Variants in GRM1 observed in about 807,000 individuals in gnomAD.
The protein encoded by GRM1 is metabotropic glutamate receptor 1.
Under a neutral mutation model 90.9 loss-of-function variants are expected in GRM1, and 33 were observed. That is an observed-to-expected ratio of 0.36 (90% CI 0.28 to 0.49). GRM1 has a LOEUF of 0.49. Among genes scored for constraint, GRM1 ranks in the 20% least tolerant of loss-of-function variants. The pLI is 0.99. For synonymous variants in GRM1, 700 were observed against 613.2 expected, an observed-to-expected ratio of 1.14 and a Z score of -2.09; for missense variants, 1,190 against 1,534.3, an observed-to-expected ratio of 0.78 and a Z score of 3.75.
At chr6:146,253,080 T>C (rs1318235989) in intron 2 of GRM1, among the ~76,000 whole-genome samples, 1 of 152,066 alleles carries the variant, frequency 6.6e-6, no homozygotes, top group African/African-American at 2.4e-5. Context: ...TGATAAATTG[T>C]ATGATATTAA....
At chr6:146,279,403 C>T (rs1311938579) in intron 2 of GRM1, among the ~76,000 whole-genome samples, 2 of 151,996 alleles carry the variant, frequency 1.3e-5, no homozygotes, top group Admixed American at 6.6e-5. Flanking sequence ...AAAGTTGAAA[C>T]ACATTAATTT....
intron 1 of GRM1, among the ~76,000 whole-genome samples, chr6:146,128,199 A>G (rs1776266167): frequency 6.6e-6 from 1 of 152,166 alleles, no homozygotes; most frequent in Non-Finnish European, 1.5e-5. Context: ...ATTTAAAGGG[A>G]GGGAGCAGGG....
chr6:146,428,239 G>T (rs1203305234), intron 7 of GRM1, among the ~76,000 whole-genome samples: 1 of 152,034 alleles, frequency 6.6e-6, no homozygotes, highest in Non-Finnish European at 1.5e-5. Flanking sequence ...TTTTTTTAAA[G>T]ATATGTTCTT....
At chr6:146,161,298 A>C (rs1777714879) in intron 2 of GRM1, among the ~76,000 whole-genome samples, 1 of 152,212 alleles carries the variant, frequency 6.6e-6, no homozygotes, top group Non-Finnish European at 1.5e-5. Context: ...CATATAGACT[A>C]CCTAATTATG....
chr6:146,154,255 C>T (rs1777441347), intron 1 of GRM1, among the ~76,000 whole-genome samples: 1 of 152,200 alleles, frequency 6.6e-6, no homozygotes, highest in South Asian at 2.1e-4. Context: ...TTCTGACAGG[C>T]CGACAGTGAC....
intron 5 of GRM1, among the ~76,000 whole-genome samples, chr6:146,362,485 C>T (rs1292596333): frequency 6.6e-6 from 1 of 151,862 alleles, no homozygotes; most frequent in Non-Finnish European, 1.5e-5. Context: ...CGAGACAATC[C>T]TGGCTAACAT....
At chr6:146,180,541 T>C in intron 2 of GRM1, among the ~76,000 whole-genome samples, 1 of 152,090 alleles carries the variant, frequency 6.6e-6, no homozygotes, top group East Asian at 1.9e-4. Flanking sequence ...TTGTGTGGAG[T>C]GATCGTTGAT....
At chr6:146,235,154 T>A (rs1425833906) in intron 2 of GRM1, among the ~76,000 whole-genome samples, 1 of 152,154 alleles carries the variant, frequency 6.6e-6, no homozygotes, top group Admixed American at 6.6e-5. Context: ...TCTCATTCTT[T>A]AATTTTCCAT....
chr6:146,393,660 G>A (rs1293925413), intron 6 of GRM1, among the ~76,000 whole-genome samples: 2 of 152,148 alleles, frequency 1.3e-5, no homozygotes, highest in Admixed American at 6.6e-5. Flanking sequence ...TGGATAGGAA[G>A]CATCAGTATC....
chr6:146,113,813 C>A (rs185315223), intron 1 of GRM1, among the ~76,000 whole-genome samples: 1 of 152,084 alleles, frequency 6.6e-6, no homozygotes, highest in East Asian at 1.9e-4. Context: ...TTTGACAAAC[C>A]ATTAGCCTGT....
Position 146,363,219 on chromosome 6 carries a change from T to G in GRM1, c.1602+5525T>G, listed in dbSNP as rs1171825672. Reference sequence around the variant, plus strand: ...GCCATTGATTAAAATGTAGCCAAGTTATGTTCGGTCATGTCTCTTCAAGCC... The same window carrying G: ...GCCATTGATTAAAATGTAGCCAAGTGATGTTCGGTCATGTCTCTTCAAGCC... On this transcript the variant is annotated intron_variant, in intron 5 of 7. Coordinates refer to ENST00000282753, the MANE Select transcript of GRM1 (RefSeq NM_001278064.2). Among the ~76,000 whole-genome samples, 5 of 152,322 alleles carry G rather than the reference T, an allele frequency of 3.3e-5. No homozygotes were observed. In the East Asian group the frequency reaches 5.8e-4, roughly 18 times the overall value.
At chr6:146,410,470 CAGTG>C (rs1336243803) in intron 7 of GRM1, among the ~76,000 whole-genome samples, 3 of 152,022 alleles carry the variant, frequency 2.0e-5, no homozygotes, top group African/African-American at 4.8e-5. Flanking sequence ...AAAAGAAAAT[CAGTG>C]AGTATTTAAT....
rs570045886 is a variant in GRM1 at position 146,138,094 on chromosome 6, A to C, written c.701-21254A>C. ...TTTTTTTCAAATATAGGATTGCATCATCTGCAAACAAGGATAATTTGACTT... is the reference window on the plus strand; with the variant it reads ...TTTTTTTCAAATATAGGATTGCATCCTCTGCAAACAAGGATAATTTGACTT... On this transcript the variant is annotated intron_variant, in intron 1 of 7. Transcript: ENST00000282753. Among the ~76,000 whole-genome samples, 12 of 152,240 alleles carry C rather than the reference A, an allele frequency of 7.9e-5. No individual in the cohort carries two copies. In the South Asian group the frequency reaches 1.7e-3, roughly 21 times the overall value.
intron 3 of GRM1, among the ~76,000 whole-genome samples, chr6:146,335,676 T>A (rs1343060230): frequency 6.6e-6 from 1 of 152,112 alleles, no homozygotes; most frequent in Non-Finnish European, 1.5e-5. Context: ...CCCAAAATGG[T>A]AATTTTTTTA....
chr6:146,352,589 G>T, intron 4 of GRM1, 93 bp downstream of exon 4: 1 of 1,307,902 alleles, frequency 7.6e-7, no homozygotes, highest in Non-Finnish European at 1.1e-6. Flanking sequence ...CATGGTTTCT[G>T]GGTGCCATGA....
intron 1 of GRM1, among the ~76,000 whole-genome samples, chr6:146,106,035 A>T (rs1777215344): frequency 6.6e-6 from 1 of 152,186 alleles, no homozygotes; most frequent in Admixed American, 6.5e-5. Flanking sequence ...GTTATAATAG[A>T]ATTTGGTCTG....
intron 1 of GRM1, among the ~76,000 whole-genome samples, chr6:146,079,110 C>T (rs1453758028): frequency 1.3e-5 from 2 of 152,178 alleles, no homozygotes; most frequent in African/African-American, 4.8e-5. Context: ...GAGGCATCAC[C>T]CTGTCTTCCC....
At chr6:146,220,543 G>A (rs530439846) in intron 2 of GRM1, among the ~76,000 whole-genome samples, 133 of 152,228 alleles carry the variant, frequency 8.7e-4, no homozygotes, top group Non-Finnish European at 1.5e-3. Flanking sequence ...ATCTTCATCT[G>A]TAGATTAAAT....
chr6:146,323,909 T>C (rs1441117365), intron 3 of GRM1, among the ~76,000 whole-genome samples: 4 of 152,216 alleles, frequency 2.6e-5, no homozygotes, highest in Non-Finnish European at 5.9e-5. Context: ...TGTAGATATG[T>C]GGCATTATTT....
Sources: gnomAD v4.1 joint callset for allele counts (sites outside exome capture counted in the v4.1 genomes callset) on GRCh38, gnomAD v4.1.1 for gene constraint, MANE v1.5 for transcripts, NCBI Gene and HGNC (gene_info 2026-07-23, HGNC 2026-07-21) for gene names.